Variants in ATP9B observed in about 807,000 individuals in gnomAD.
The protein encoded by ATP9B is ATPase phospholipid transporting 9B.
A neutral mutation model predicts 146.1 loss-of-function variants in ATP9B; 110 were observed. The observed-to-expected ratio is 0.75, with a 90% CI of 0.65 to 0.88. The LOEUF (loss-of-function observed/expected upper bound fraction) is 0.88, where lower values mean the gene tolerates loss of function less well. Among genes scored for constraint, ATP9B ranks in the 40% least tolerant of loss-of-function variants. The pLI, the probability that ATP9B is intolerant of heterozygous loss-of-function variation, is 0.00. For synonymous variants in ATP9B, 604 were observed against 569.7 expected, an observed-to-expected ratio of 1.06 and a Z score of -0.86; for missense variants, 1,499 against 1,496.4, an observed-to-expected ratio of 1.00 and a Z score of -0.03.
rs746533013 is a variant in ATP9B, at chr18:79,260,718, G to A, written c.1268+7177G>A. Among the ~76,000 whole-genome samples the A allele has an allele frequency of 9.1e-4, 138 of 152,354 alleles. 3 individuals carry two copies. The highest frequency in any genetic ancestry group is 2.9e-4 in the Non-Finnish European group (20 of 68,032). On this transcript the variant is annotated intron_variant, in intron 12 of 29. Transcript: ENST00000426216. ...TGATAGAGCTACTGGCTGCAAGCATGTGCTCCCTTTCAGAAAGAGGAAGAA... is the reference window on the plus strand; with the variant it reads ...TGATAGAGCTACTGGCTGCAAGCATATGCTCCCTTTCAGAAAGAGGAAGAA...
chr18:79,230,597 C>T (rs988339742), intron 11 of ATP9B, among the ~76,000 whole-genome samples: 5 of 152,112 alleles, frequency 3.3e-5, no homozygotes, highest in African/African-American at 1.2e-4. Context: ...GGAAACACAT[C>T]CCATGCTCAT....
chr18:79,333,448 G>A lies in ATP9B; in HGVS notation c.2029-3180G>A, dbSNP rs114468980. ...TTACTAGTATTTGATCTTCTTTTCC[G>A]TAAACAAGTGTAGCTAATTAACTTG... On this transcript the variant is annotated intron_variant, in intron 17 of 29. Transcript: ENST00000426216. 7.6e-3 allele frequency among the ~76,000 whole-genome samples: 1,154 copies of A among 152,296 alleles called. 17 individuals carry two copies. Among genetic ancestry groups the A allele is most frequent in the African/African-American group, 0.026 (1,100 of 41,560 alleles).
intron 7 of ATP9B, among the ~76,000 whole-genome samples, chr18:79,159,433 C>G (rs533957358): frequency 6.6e-6 from 1 of 152,262 alleles, no homozygotes; most frequent in East Asian, 1.9e-4. Flanking sequence ...GAAGGCCACA[C>G]AAGCATCTGA....
Position 79,250,020 on chromosome 18 carries a change from G to A in ATP9B, c.1108-3361G>A, listed in dbSNP as rs538839145. Reference sequence around the variant, plus strand: ...TTTTATTGCTCTTAAGTTTAAAGGGGTTGGGAGAAGACAACATATACTTGG... The same window carrying A: ...TTTTATTGCTCTTAAGTTTAAAGGGATTGGGAGAAGACAACATATACTTGG... On this transcript the variant is annotated intron_variant, in intron 11 of 29. Coordinates refer to ENST00000426216, the MANE Select transcript of ATP9B (RefSeq NM_198531.5). 1.9e-4 allele frequency among the ~76,000 whole-genome samples: 29 copies of A among 152,280 alleles called. No homozygotes were observed. The South Asian group carries it at 2.3e-3, about 12-fold the overall frequency.
chr18:79,188,479 A>G (rs1002255791), intron 8 of ATP9B, among the ~76,000 whole-genome samples: 1 of 151,288 alleles, frequency 6.6e-6, no homozygotes, highest in Non-Finnish European at 1.5e-5. Context: ...AGACTTTTCC[A>G]CTCTCCTTTG....
At chr18:79,099,249 G>A (rs1277207416) in intron 2 of ATP9B, among the ~76,000 whole-genome samples, 2 of 151,732 alleles carry the variant, frequency 1.3e-5, no homozygotes, top group African/African-American at 4.8e-5. Flanking sequence ...TTGAGACGGA[G>A]TCTTGCTTTG....
chr18:79,304,357 T>C (rs899124838), intron 14 of ATP9B, among the ~76,000 whole-genome samples: 1 of 152,226 alleles, frequency 6.6e-6, no homozygotes, highest in Admixed American at 6.5e-5. Flanking sequence ...AGAGGTTGAG[T>C]ATCCCTTATT....
chr18:79,147,138 A>G (rs1001151010), intron 6 of ATP9B, among the ~76,000 whole-genome samples: 2 of 152,258 alleles, frequency 1.3e-5, no homozygotes, highest in African/African-American at 2.4e-5. Context: ...TAATAGGATT[A>G]ATCCATCAGG....
intron 2 of ATP9B, among the ~76,000 whole-genome samples, chr18:79,097,672 G>A (rs11873417): frequency 6.9e-6 from 1 of 145,760 alleles, no homozygotes; most frequent in South Asian, 2.2e-4. Flanking sequence ...TGATGGTTTC[G>A]AATTTCATCC....
intron 8 of ATP9B, among the ~76,000 whole-genome samples, chr18:79,188,732 TTC>T (rs2095332776): frequency 6.6e-6 from 1 of 152,170 alleles, no homozygotes; most frequent in Non-Finnish European, 1.5e-5. Context: ...GAGTAGTTTC[TTC>T]TCTCTTTTTC....
chr18:79,373,993 C>T lies in ATP9B; in HGVS notation c.3166C>T (p.Leu1056=). 1.2e-6 allele frequency: 2 copies of T among 1,614,186 alleles called. No individual in the cohort carries two copies. Among genetic ancestry groups the T allele is most frequent in the South Asian group, 1.1e-5 (1 of 91,084 alleles). ...CACCGCACTGATCCTGACCGAGCTGCTGATGGTGGCGCTGACCGTCCGCAC... is the reference window on the plus strand; with the variant it reads ...CACCGCACTGATCCTGACCGAGCTGTTGATGGTGGCGCTGACCGTCCGCAC... ...SFTALILTEL[L]MVALTVRTWH... The change falls in exon 28 of 30, where the codon CTG becomes TTG. Residue 1056 remains leucine (L), a synonymous_variant. Transcript: ENST00000426216.
intron 1 of ATP9B, among the ~76,000 whole-genome samples, chr18:79,095,150 T>G (rs559511755): frequency 9.2e-5 from 14 of 152,324 alleles, no homozygotes; most frequent in African/African-American, 3.1e-4. Flanking sequence ...ATTTTTTGTT[T>G]CTGAAGAGCT....
Position 79,253,465 on chromosome 18 carries a change from T to C in ATP9B, c.1192T>C (p.Leu398=), listed in dbSNP as rs2096050229. The C allele has an allele frequency of 6.2e-7, 1 of 1,613,744 alleles. No individual in the cohort carries two copies. Among genetic ancestry groups the C allele is most frequent in the East Asian group, 2.2e-5 (1 of 44,864 alleles). The part of the protein sequence containing the change: ...LVALSIVMVT[L]QGFVGPWYRN... ...TGCTCTTTCCATTGTTATGGTAACCTTACAAGGATTTGTGGGTCCATGGTA... is the reference window on the plus strand; with the variant it reads ...TGCTCTTTCCATTGTTATGGTAACCCTACAAGGATTTGTGGGTCCATGGTA... Residue 398 remains leucine, a synonymous_variant, in exon 12 of 30, where the codon TTA becomes CTA. Transcript: ENST00000426216.
intron 11 of ATP9B, among the ~76,000 whole-genome samples, chr18:79,246,015 TACTG>T (rs1237113143): frequency 1.5e-5 from 2 of 131,556 alleles, no homozygotes; most frequent in South Asian, 5.8e-4. Flanking sequence ...GGCACCGCCC[TACTG>T]ACTGAGGAGG....
chr18:79,144,104 GT>G (rs2094547905), intron 6 of ATP9B: 1 of 306,962 alleles, frequency 3.3e-6, no homozygotes, highest in Admixed American at 4.9e-5. Context: ...ACTGCTTAAT[GT>G]TGCATTATCA....
chr18:79,175,941 TTCTC>T (rs1442835111), intron 7 of ATP9B, among the ~76,000 whole-genome samples: 10 of 152,300 alleles, frequency 6.6e-5, no homozygotes, highest in African/African-American at 1.9e-4. Flanking sequence ...CGTATACAAA[TTCTC>T]TCTCCTCCCT....
At chr18:79,146,951 T>C (rs2094601340) in intron 6 of ATP9B, 1 of 152,248 alleles carries the variant, frequency 6.6e-6, no homozygotes, top group Non-Finnish European at 1.5e-5. Flanking sequence ...CATTTCTATG[T>C]TGTGTGCACG....
intron 10 of ATP9B, among the ~76,000 whole-genome samples, chr18:79,212,571 G>A (rs1052592502): frequency 6.6e-6 from 1 of 152,048 alleles, no homozygotes. Flanking sequence ...ACATTAGTGG[G>A]ATGTTTATAT....
intron 13 of ATP9B, among the ~76,000 whole-genome samples, chr18:79,281,960 G>A (rs1162630703): frequency 6.6e-6 from 1 of 152,224 alleles, no homozygotes. Flanking sequence ...GTACCTGGGA[G>A]GAGGTCAGCA....
Sources: gnomAD v4.1 joint callset for allele counts (sites outside exome capture counted in the v4.1 genomes callset) on GRCh38, gnomAD v4.1.1 for gene constraint, MANE v1.5 for transcripts, NCBI Gene and HGNC (gene_info 2026-07-23, HGNC 2026-07-21) for gene names.